The following MYCBP2 variants were observed in gnomAD, a reference collection of about 807,000 sequenced individuals.
The protein encoded by MYCBP2 is MYC binding protein 2, also known as E3 ubiquitin-protein ligase MYCBP2.
MYCBP2 carries 120 observed loss-of-function variants against 525.3 expected under a neutral mutation model. The observed-to-expected ratio is 0.23, with a 90% CI of 0.20 to 0.27. The LOEUF (loss-of-function observed/expected upper bound fraction) is 0.27. MYCBP2 is among the 10% of genes least tolerant of loss of function. The pLI is 1.00. For synonymous variants in MYCBP2, 1,894 were observed against 1,955.8 expected, an observed-to-expected ratio of 0.97 and a Z score of 0.83; for missense variants, 4,149 against 5,657.1, an observed-to-expected ratio of 0.73 and a Z score of 8.55.
chr13:77,207,296 T>G (rs1427219495), intron 23 of MYCBP2, among the ~76,000 whole-genome samples: 1 of 152,310 alleles, frequency 6.6e-6, no homozygotes, highest in East Asian at 1.9e-4. Context: ...ACAGATAGAA[T>G]GGATGTGGAT....
At chr13:77,118,664 C>A in intron 55 of MYCBP2, 3 of 510,560 alleles carry the variant, frequency 5.9e-6, no homozygotes, top group Non-Finnish European at 1.0e-5. Context: ...AGATTAGGGA[C>A]CGAATTTTGC....
At chr13:77,265,748 T>G (rs1263153690) in intron 8 of MYCBP2, among the ~76,000 whole-genome samples, 1 of 152,126 alleles carries the variant, frequency 6.6e-6, no homozygotes, top group Admixed American at 6.5e-5. Flanking sequence ...TCAGTCCAGG[T>G]CAAAGAAACA....
intron 76 of MYCBP2, 146 bp downstream of exon 76, chr13:77,061,023 C>T: frequency 2.2e-6 from 2 of 921,286 alleles, no homozygotes; most frequent in Non-Finnish European, 3.0e-6. Context: ...ATAGAACACT[C>T]TATATATTTA....
At chr13:77,257,569 A>G in intron 14 of MYCBP2, 102 bp downstream of exon 14, 1 of 1,179,682 alleles carries the variant, frequency 8.5e-7, no homozygotes, top group Non-Finnish European at 1.1e-6. Flanking sequence ...AAGAAAAAGA[A>G]GAGCCACTCA....
chr13:77,047,985 A>G (rs1291744619), intron 82 of MYCBP2, among the ~76,000 whole-genome samples: 2 of 151,982 alleles, frequency 1.3e-5, no homozygotes, highest in Non-Finnish European at 2.9e-5. Flanking sequence ...CTTTCGCTCT[A>G]ACCTCACCTT....
At chr13:77,225,353 G>T in intron 19 of MYCBP2, 82 bp downstream of exon 19, 1 of 1,566,958 alleles carries the variant, frequency 6.4e-7, no homozygotes, top group South Asian at 1.1e-5. Context: ...CAGTTAACAG[G>T]CTATGTTCAT....
At position 77,278,833 on chromosome 13, in the gene MYCBP2, T is replaced by C. The variant is rs766847606; in HGVS notation, c.673A>G (p.Ser225Gly). The C allele has an allele frequency of 1.9e-6, 3 of 1,603,280 alleles. No individual in the cohort carries two copies. Among genetic ancestry groups the C allele is most frequent in the South Asian group, 1.1e-5 (1 of 89,344 alleles). ...RFSHPSLCLR[S>G]LQALLNVLQG... is the part of the protein sequence containing the mutation. ...AGCACGTTGAGCAGGGCTTGGAGAC[T>C]CCTGAGACACAGGGATGGATGAGAA... The change falls in exon 4 of 83, where the codon AGT becomes GGT. Residue 225 changes from serine to glycine, a missense_variant. Physicochemically the swap from Ser to Gly is moderately conservative, Grantham distance 56. This residue lies in a region of MYCBP2 where 413 missense variants were observed against 451.2 expected (regional missense o/e 0.92). Coordinates refer to ENST00000544440, the MANE Select transcript of MYCBP2 (RefSeq NM_015057.5).
At chr13:77,295,779 G>T (rs774277485) in intron 2 of MYCBP2, among the ~76,000 whole-genome samples, 50 of 152,180 alleles carry the variant, frequency 3.3e-4, no homozygotes, top group Admixed American at 2.3e-3. Flanking sequence ...ATTTTATAGA[G>T]ATCTCTGCAT....
chr13:77,228,169 A>G (rs1238437157), intron 18 of MYCBP2, among the ~76,000 whole-genome samples: 5 of 152,144 alleles, frequency 3.3e-5, no homozygotes, highest in African/African-American at 1.2e-4. Context: ...GTGGCCAAAA[A>G]TTTAGTCCAA....
At position 77,158,021 on chromosome 13, in the gene MYCBP2, G is replaced by A. The variant is rs767075663; in HGVS notation, c.6686C>T (p.Pro2229Leu). 6.2e-6 allele frequency: 10 copies of A among 1,613,320 alleles called. No individual in the cohort carries two copies. The highest frequency in any genetic ancestry group is 6.8e-6 in the Non-Finnish European group (8 of 1,179,620). ...CTGTTCATTGCTTTGGATTTGGAGT[G>A]GTAAATTTCCCTCAAGTGCTTCTAA... is the stretch of plus-strand genomic sequence containing the variant. The part of the protein sequence containing the change: ...TILEALEGNL[P>L]LQIQSNEQSF... The change falls in exon 45 of 83, where the codon CCA becomes CTA. Residue 2229 changes from proline (P) to leucine (L), a missense_variant. Physicochemically the swap from Pro to Leu is moderately conservative, Grantham distance 98. Around this residue, in one of 21 missense-constraint regions of MYCBP2, gnomAD observed 692 missense variants for 852.7 expected, o/e 0.81. Transcript: ENST00000544440.
chr13:77,116,371 G>A (rs1001108764), intron 55 of MYCBP2, among the ~76,000 whole-genome samples: 1 of 151,958 alleles, frequency 6.6e-6, no homozygotes, highest in Non-Finnish European at 1.5e-5. Flanking sequence ...GAGGTTCAGG[G>A]AAGAATACCT....
At chr13:77,324,347 C>T (rs1477511035) in intron 1 of MYCBP2, among the ~76,000 whole-genome samples, 1 of 152,168 alleles carries the variant, frequency 6.6e-6, no homozygotes, top group Non-Finnish European at 1.5e-5. Context: ...TATTATTGCT[C>T]CATTCAGTCT....
intron 73 of MYCBP2, among the ~76,000 whole-genome samples, chr13:77,064,399 A>T (rs1350683532): frequency 6.6e-6 from 1 of 152,274 alleles, no homozygotes; most frequent in Non-Finnish European, 1.5e-5. Context: ...CTTCCTAAAC[A>T]ATAACAAAAA....
intron 8 of MYCBP2, among the ~76,000 whole-genome samples, chr13:77,266,794 T>C (rs1050060716): frequency 6.9e-6 from 1 of 145,026 alleles, no homozygotes; most frequent in Non-Finnish European, 1.5e-5. Context: ...TGAAAATAGA[T>C]GGTTATTTTC....
chr13:77,205,349 T>G lies in MYCBP2; in HGVS notation c.3750A>C (p.Ser1250=). The change falls in exon 26 of 83, where the codon TCA becomes TCC. Residue 1250 remains serine (S), a synonymous_variant. Transcript: ENST00000544440. ...CGGCACTGAAACGTATAGCTTCTAC[T>G]GAATGGGCAGAATAACCCCAGCCTC... ...HGGGWGYSAH[S]VEAIRFSADT... The G allele has an allele frequency of 1.2e-6, 2 of 1,613,878 alleles. No homozygotes were observed. The highest frequency in any genetic ancestry group is 1.7e-6 in the Non-Finnish European group (2 of 1,179,866).
At chr13:77,202,119 A>G (rs2062669873) in intron 26 of MYCBP2, among the ~76,000 whole-genome samples, 1 of 152,192 alleles carries the variant, frequency 6.6e-6, no homozygotes, top group South Asian at 2.1e-4. Flanking sequence ...TTTTGAAAGG[A>G]TCAACAAAAT....
chr13:77,113,206 C>T (rs1458305873), intron 55 of MYCBP2, among the ~76,000 whole-genome samples: 3 of 152,178 alleles, frequency 2.0e-5, no homozygotes, highest in Non-Finnish European at 4.4e-5. Flanking sequence ...TAAATTCTCA[C>T]AAGTCCTTCA....
At chr13:77,226,939 C>T (rs1319400976) in intron 18 of MYCBP2, among the ~76,000 whole-genome samples, 1 of 152,088 alleles carries the variant, frequency 6.6e-6, no homozygotes, top group Non-Finnish European at 1.5e-5. Flanking sequence ...ACAGATTAAA[C>T]TAAATGCTAC....
intron 26 of MYCBP2, among the ~76,000 whole-genome samples, chr13:77,202,368 C>A (rs1028469699): frequency 1.3e-5 from 2 of 152,148 alleles, no homozygotes; most frequent in South Asian, 2.1e-4. Flanking sequence ...TCTGAATAGA[C>A]CAATAACAGG....
Sources: allele counts gnomAD v4.1 joint callset (sites outside exome capture counted in the v4.1 genomes callset), GRCh38; gene constraint gnomAD v4.1.1; regional missense constraint gnomAD v4.1.1; transcripts MANE v1.5; gene names NCBI Gene and HGNC (gene_info 2026-07-23, HGNC 2026-07-21).